The following NCK2 variants were observed in gnomAD, a reference collection of about 807,000 sequenced individuals.
NCK2 encodes the protein cytoplasmic protein NCK2.
A neutral mutation model predicts 33.9 loss-of-function variants in NCK2; 16 were observed. That is an observed-to-expected ratio of 0.47 (90% CI 0.32 to 0.72). The LOEUF is 0.72. NCK2 is among the 30% of genes least tolerant of loss of function. The pLI is 0.03. For missense variants in NCK2, 418 were observed against 537.3 expected, an observed-to-expected ratio of 0.78 and a Z score of 2.19; for synonymous variants, 273 against 239.9, an observed-to-expected ratio of 1.14 and a Z score of -1.27.
At chr2:105,766,474 C>T (rs1003327486) in intron 1 of NCK2, among the ~76,000 whole-genome samples, 4 of 152,276 alleles carry the variant, frequency 2.6e-5, no homozygotes, top group Non-Finnish European at 4.4e-5. Flanking sequence ...CAGGCATACA[C>T]CAGCCCCAGT....
intron 1 of NCK2, among the ~76,000 whole-genome samples, chr2:105,746,908 T>C (rs1689306346): frequency 2.0e-5 from 3 of 152,230 alleles, no homozygotes. Context: ...GCCCACTTCC[T>C]GTCCCGGAGG....
intron 2 of NCK2, among the ~76,000 whole-genome samples, chr2:105,838,532 T>G (rs577737584): frequency 4.6e-5 from 7 of 152,350 alleles, no homozygotes; most frequent in African/African-American, 1.7e-4. Context: ...ATATAAAATT[T>G]AAATTTTTTA....
At chr2:105,793,232 G>C (rs960452499) in intron 1 of NCK2, among the ~76,000 whole-genome samples, 1 of 151,732 alleles carries the variant, frequency 6.6e-6, no homozygotes, top group African/African-American at 2.4e-5. Flanking sequence ...CTGGGAATGG[G>C]TGGAGAACTT....
intron 1 of NCK2, among the ~76,000 whole-genome samples, chr2:105,796,254 G>C (rs1198892139): frequency 1.3e-5 from 2 of 152,230 alleles, no homozygotes. Flanking sequence ...TATATGGCTG[G>C]TGGGCAGAGT....
At chr2:105,828,589 G>A (rs999853120) in intron 2 of NCK2, among the ~76,000 whole-genome samples, 1 of 152,184 alleles carries the variant, frequency 6.6e-6, no homozygotes, top group African/African-American at 2.4e-5. Context: ...AATCATGGCA[G>A]CTACTGCAAA....
chr2:105,798,406 A>G (rs1691160126), intron 1 of NCK2, among the ~76,000 whole-genome samples: 3 of 152,082 alleles, frequency 2.0e-5, no homozygotes, highest in Admixed American at 1.3e-4. Flanking sequence ...TTCTTTTTAT[A>G]AAATGAAGAG....
intron 1 of NCK2, among the ~76,000 whole-genome samples, chr2:105,805,641 C>T (rs1478355876): frequency 6.6e-6 from 1 of 152,192 alleles, no homozygotes; most frequent in Non-Finnish European, 1.5e-5. Context: ...GTTCTACTCT[C>T]TATTTCCATG....
At chr2:105,890,898 T>C (rs930424357) in intron 4 of NCK2, among the ~76,000 whole-genome samples, 2 of 152,362 alleles carry the variant, frequency 1.3e-5, no homozygotes, top group African/African-American at 4.8e-5. Context: ...GAGGTCCTGC[T>C]GGGAGGTCGC....
chr2:105,774,687 G>A (rs902531442), intron 1 of NCK2, among the ~76,000 whole-genome samples: 3 of 152,066 alleles, frequency 2.0e-5, no homozygotes, highest in Non-Finnish European at 4.4e-5. Context: ...GGGAGAGGAG[G>A]TGTCAAGTTG....
chr2:105,804,122 A>G (rs892369360), intron 1 of NCK2, among the ~76,000 whole-genome samples: 14 of 152,186 alleles, frequency 9.2e-5, no homozygotes, highest in South Asian at 4.1e-4. Context: ...AGGATTTACT[A>G]ATTTCAAGGG....
intron 1 of NCK2, among the ~76,000 whole-genome samples, chr2:105,785,503 T>A (rs951448183): frequency 1.3e-5 from 2 of 152,148 alleles, no homozygotes; most frequent in African/African-American, 4.8e-5. Context: ...AGACCGCCAA[T>A]ACAAAATCTA....
At chr2:105,747,138 T>C (rs980525278) in intron 1 of NCK2, among the ~76,000 whole-genome samples, 8 of 152,194 alleles carry the variant, frequency 5.3e-5, no homozygotes, top group African/African-American at 1.9e-4. Flanking sequence ...TGTGTTTTGC[T>C]TAGGACACGC....
intron 3 of NCK2, among the ~76,000 whole-genome samples, chr2:105,862,015 G>C (rs1285899948): frequency 1.4e-5 from 2 of 146,836 alleles, no homozygotes; most frequent in Non-Finnish European, 3.0e-5. Flanking sequence ...GTAACTGGCT[G>C]TAAACTGCAA....
At chr2:105,770,514 T>C (rs953400293) in intron 1 of NCK2, among the ~76,000 whole-genome samples, 4 of 152,242 alleles carry the variant, frequency 2.6e-5, no homozygotes, top group Non-Finnish European at 4.4e-5. Context: ...TTTACATAAC[T>C]GATCATATTT....
intron 1 of NCK2, among the ~76,000 whole-genome samples, chr2:105,759,044 C>T (rs1022131267): frequency 6.6e-6 from 1 of 152,030 alleles, no homozygotes; most frequent in Non-Finnish European, 1.5e-5. Context: ...TAGTGATAGA[C>T]TATAATTAAT....
At position 105,894,003 on chromosome 2, in the gene NCK2, A is replaced by G. The variant is rs1184903021; in HGVS notation, c.*827A>G. 1 of 102,222 alleles carries G rather than the reference A, an allele frequency of 9.8e-6. No homozygotes were observed. Among genetic ancestry groups the G allele is most frequent in the South Asian group, 3.2e-4 (1 of 3,146 alleles). The allele number at this position is 102,222 out of a possible 1,614,324, so 6.3% of individuals were successfully genotyped here. On this transcript the variant is annotated 3_prime_UTR_variant, in exon 5 of 5. Coordinates refer to ENST00000233154, the MANE Select transcript of NCK2 (RefSeq NM_003581.5). ...ACTTTATACACACACACACGTGCAC[A>G]CACACACACACACACACTATATATA...
chr2:105,874,539 A>G (rs1426397965), intron 3 of NCK2, among the ~76,000 whole-genome samples: 4 of 152,376 alleles, frequency 2.6e-5, no homozygotes, highest in Admixed American at 2.6e-4. Flanking sequence ...TATGTTACAC[A>G]TCTGATCAGT....
intron 2 of NCK2, chr2:105,854,534 A>G (rs1437260405): frequency 6.5e-6 from 1 of 152,926 alleles, no homozygotes; most frequent in Non-Finnish European, 1.5e-5. Flanking sequence ...CTTAGACTTT[A>G]TTTTGATTTC....
At chr2:105,814,143 C>T (rs1446453929) in intron 1 of NCK2, among the ~76,000 whole-genome samples, 2 of 152,226 alleles carry the variant, frequency 1.3e-5, no homozygotes, top group African/African-American at 4.8e-5. Context: ...CTTTGAAATG[C>T]TCTTCCTTAA....
Sources: gnomAD v4.1 joint callset for allele counts (sites outside exome capture counted in the v4.1 genomes callset) on GRCh38, gnomAD v4.1.1 for gene constraint, MANE v1.5 for transcripts, NCBI Gene and HGNC (gene_info 2026-07-23, HGNC 2026-07-21) for gene names.